Variants in OLAH observed in about 807,000 individuals in gnomAD.
The protein encoded by OLAH is oleoyl-ACP hydrolase.
OLAH carries 33 observed loss-of-function variants against 27.8 expected under a neutral mutation model. That is an observed-to-expected ratio of 1.19 (90% CI 0.90 to 1.59). The LOEUF is 1.59. Ranked by LOEUF, OLAH falls within the 40% of genes most tolerant of loss-of-function variation. OLAH has a pLI of 0.00. For synonymous variants in OLAH, 120 were observed against 102.9 expected (o/e 1.17, Z -1.01); for missense variants, 359 against 310.8 (o/e 1.16, Z -1.17).
intron 1 of OLAH, among the ~76,000 whole-genome samples, chr10:15,044,252 A>T (rs1292088719): frequency 6.6e-6 from 1 of 151,980 alleles, no homozygotes; most frequent in African/African-American, 2.4e-5. Flanking sequence ...GATTAAATAA[A>T]CATTTTTCTC....
chr10:15,071,774 C>T lies in OLAH; in HGVS notation c.573-21C>T, dbSNP rs889261649. The T allele has an allele frequency of 4.4e-6, 7 of 1,579,012 alleles. No individual in the cohort carries two copies. In the African/African-American group the frequency reaches 6.8e-5, roughly 15 times the overall value. ...GATGTTGATTTCAAACAATTACTAACCAGCTCTTTTATGTTTATAGCTCTA... is the reference window on the plus strand; with the variant it reads ...GATGTTGATTTCAAACAATTACTAATCAGCTCTTTTATGTTTATAGCTCTA... On this transcript the variant is annotated intron_variant, in intron 6 of 7. Transcript: ENST00000378228.
At chr10:15,066,172 C>T (rs1055306209) in intron 6 of OLAH, among the ~76,000 whole-genome samples, 1 of 148,938 alleles carries the variant, frequency 6.7e-6, no homozygotes, top group African/African-American at 2.5e-5. Flanking sequence ...AGTCAGGAGG[C>T]GGAGGTTGCA....
At chr10:15,072,439 T>C (rs1190437191) in intron 7 of OLAH, among the ~76,000 whole-genome samples, 1 of 152,034 alleles carries the variant, frequency 6.6e-6, no homozygotes, top group Non-Finnish European at 1.5e-5. Context: ...AAATAAAAAA[T>C]GCAGGACACC....
intron 1 of OLAH, among the ~76,000 whole-genome samples, chr10:15,037,044 A>C (rs1265117757): frequency 1.3e-5 from 2 of 151,990 alleles, no homozygotes; most frequent in African/African-American, 4.8e-5. Context: ...GTGCCACAGC[A>C]CTCCAGCCTG....
intron 1 of OLAH, among the ~76,000 whole-genome samples, chr10:15,033,405 A>G (rs1024517567): frequency 6.6e-6 from 1 of 152,106 alleles, no homozygotes; most frequent in Admixed American, 6.6e-5. Flanking sequence ...TACAATATAT[A>G]TAGTAAGAGA....
upstream of OLAH, among the ~76,000 whole-genome samples, chr10:15,042,949 C>T (rs1843946876): frequency 6.6e-6 from 1 of 150,434 alleles, no homozygotes; most frequent in Non-Finnish European, 1.5e-5. Flanking sequence ...CAAGCTCCGC[C>T]TCCCGGGTTC....
At chr10:15,042,748 T>A (rs1843941503), upstream of OLAH, among the ~76,000 whole-genome samples, 1 of 150,726 alleles carries the variant, frequency 6.6e-6, no homozygotes, top group Non-Finnish European at 1.5e-5. Context: ...CCTTAGCTCC[T>A]CCACATTAGC....
At chr10:15,063,464 C>T (rs1311860397) in intron 4 of OLAH, among the ~76,000 whole-genome samples, 1 of 152,196 alleles carries the variant, frequency 6.6e-6, no homozygotes, top group African/African-American at 2.4e-5. Context: ...TCCAAATTAC[C>T]TGCACTTTAC....
At chr10:15,035,727 A>C (rs892377417) in intron 1 of OLAH, among the ~76,000 whole-genome samples, 3 of 152,276 alleles carry the variant, frequency 2.0e-5, no homozygotes, top group African/African-American at 7.2e-5. Context: ...GGGGCTCTGC[A>C]TTGGGACGCC....
At chr10:15,050,681 C>T (rs1412345935) in intron 3 of OLAH, among the ~76,000 whole-genome samples, 1 of 151,826 alleles carries the variant, frequency 6.6e-6, no homozygotes, top group African/African-American at 2.4e-5. Flanking sequence ...GCTGGAACTA[C>T]AGGCGCCTGC....
rs1323402032 is a variant in OLAH, at chr10:15,065,537, G to A, written c.403-47G>A. 8.4e-6 allele frequency: 13 copies of A among 1,552,406 alleles called. 1 individual carries two copies. The highest frequency in any genetic ancestry group is 1.1e-5 in the Non-Finnish European group (13 of 1,152,164). Reference sequence around the variant, plus strand: ...CAACAGTTTTCAGTTTATGAGCCAAGTGTGTTATATGAAATATCAGGCCTG... The same window carrying A: ...CAACAGTTTTCAGTTTATGAGCCAAATGTGTTATATGAAATATCAGGCCTG... On this transcript the variant is annotated intron_variant, in intron 5 of 7. Transcript: ENST00000378228.
At chr10:15,059,271 C>T (rs1256384450) in intron 3 of OLAH, among the ~76,000 whole-genome samples, 1 of 148,012 alleles carries the variant, frequency 6.8e-6, no homozygotes, top group Non-Finnish European at 1.5e-5. Context: ...ACTGTAGCCT[C>T]AACCTCCCAG....
intron 1 of OLAH, among the ~76,000 whole-genome samples, chr10:15,035,677 A>G (rs900946993): frequency 1.1e-4 from 16 of 151,970 alleles, no homozygotes; most frequent in African/African-American, 3.4e-4. Flanking sequence ...CTGTGCTCCA[A>G]GTTTTCTTCC....
chr10:15,071,683 T>C (rs1175271419), intron 6 of OLAH, 112 bp from the exon 7 acceptor site: 2 of 1,452,044 alleles, frequency 1.4e-6, no homozygotes, highest in Non-Finnish European at 1.9e-6. Flanking sequence ...ACTGCTAGAG[T>C]AGCCAAAGAA....
Position 15,064,499 on chromosome 10 carries a change from A to G in OLAH, c.399A>G (p.Val133=). The change falls in exon 5 of 8, where the codon GTA becomes GTG. Residue 133 remains valine (V), a synonymous_variant. Coordinates refer to ENST00000378228, the MANE Select transcript of OLAH (RefSeq NM_001039702.3). ...LHLFLSSATP[V]HSKAWHRIPK... is the part of the protein sequence containing the mutation. ...TATTTTTGTCAAGTGCAACTCCTGT[A>G]CATGTAAGTAATTTAGCTTTTTCCT... The G allele has an allele frequency of 3.2e-6, 5 of 1,564,076 alleles. No individual in the cohort carries two copies. Among genetic ancestry groups the G allele is most frequent in the Non-Finnish European group, 4.3e-6 (5 of 1,156,266 alleles).
At position 15,071,900 on chromosome 10, in the gene OLAH, G is replaced by A. The variant is rs1449210905; in HGVS notation, c.655+23G>A. ...AAGGTGAAATTATTTTTAGTCTCGA[G>A]TATTGTATTGAAATATATGTTTGAT... On this transcript the variant is annotated intron_variant, in intron 7 of 7. Transcript: ENST00000378228. 3.2e-6 allele frequency: 5 copies of A among 1,549,292 alleles called. No individual in the cohort carries two copies. In the African/African-American group the frequency reaches 6.8e-5, roughly 21 times the overall value.
intron 6 of OLAH, among the ~76,000 whole-genome samples, chr10:15,071,299 T>C (rs1231886131): frequency 2.6e-5 from 4 of 152,150 alleles, no homozygotes; most frequent in Non-Finnish European, 5.9e-5. Flanking sequence ...ATTGTTTCTG[T>C]AATGTCTCTC....
rs542575368 is a variant in OLAH, at chr10:15,071,349, G to A, written c.573-446G>A. On this transcript the variant is annotated intron_variant, in intron 6 of 7. Coordinates refer to ENST00000378228, the MANE Select transcript of OLAH (RefSeq NM_001039702.3). ...TCAGCTGCAAGAGGGCAGGGACTGT[G>A]TTTGTTTCTCCACGTGCCCCTAGTG... Among the ~76,000 whole-genome samples the A allele has an allele frequency of 5.9e-5, 9 of 152,310 alleles. 1 individual carries two copies. In the South Asian group the frequency reaches 1.9e-3, roughly 32 times the overall value.
intron 6 of OLAH, among the ~76,000 whole-genome samples, chr10:15,070,756 C>T (rs1251789311): frequency 6.8e-6 from 1 of 148,010 alleles, no homozygotes; most frequent in Non-Finnish European, 1.5e-5. Context: ...GCTGGGATTA[C>T]AGGCGTAAGC....
Sources: allele counts gnomAD v4.1 joint callset (sites outside exome capture counted in the v4.1 genomes callset), GRCh38; gene constraint gnomAD v4.1.1; transcripts MANE v1.5; gene names NCBI Gene and HGNC (gene_info 2026-07-23, HGNC 2026-07-21).